SIGLEC11: variants seen among roughly 807,000 people sequenced by gnomAD.
SIGLEC11 encodes the protein sialic acid-binding Ig-like lectin 11.
SIGLEC11 carries 47 observed loss-of-function variants against 61.2 expected under a neutral mutation model. That is an observed-to-expected ratio of 0.77 (90% CI 0.61 to 0.98). The LOEUF is 0.98. Among genes scored for constraint, SIGLEC11 ranks in the 50% least tolerant of loss-of-function variants. The pLI is 0.00. For missense variants in SIGLEC11, 610 were observed against 870.3 expected (o/e 0.70, Z 3.76); for synonymous variants, 278 against 373.1 (o/e 0.75, Z 2.94).
intron 8 of SIGLEC11, among the ~76,000 whole-genome samples, chr19:49,956,281 A>C (rs1433625779): frequency 1.3e-5 from 2 of 152,230 alleles, no homozygotes; most frequent in African/African-American, 2.4e-5. Flanking sequence ...AAAAGAACTA[A>C]ACTGCTTAGG....
At position 49,950,128 on chromosome 19, in the gene SIGLEC11, G is replaced by A; in HGVS notation, c.1939C>T (p.Leu647Phe). Residue 647 changes from leucine to phenylalanine, a missense_variant, in exon 11 of 11, where the codon CTC (leucine) becomes TTC (phenylalanine). Physicochemically the swap from Leu to Phe is conservative, Grantham distance 22. This residue lies in a region of SIGLEC11 where 432 missense variants were observed against 441.5 expected (regional missense o/e 0.98). Transcript: ENST00000447370. ...GEEQELHYAS[L>F]SFQGLRLWEP... ...CAGAGCCTCAGGCCCTGGAAGCTGA[G>A]GGAGGCATAGTGGAGCTCCTGCTCT... 6.2e-7 allele frequency: 1 copy of A among 1,612,652 alleles called. No homozygotes were observed. The highest frequency in any genetic ancestry group is 1.7e-5 in the Admixed American group (1 of 59,944).
intron 8 of SIGLEC11, among the ~76,000 whole-genome samples, chr19:49,954,598 C>A (rs1050133287): frequency 2.0e-5 from 3 of 152,148 alleles, no homozygotes; most frequent in African/African-American, 7.2e-5. Flanking sequence ...ATCTACTGAA[C>A]TGGAAACACC....
rs750773398 is a variant in SIGLEC11, at chr19:49,950,198, G to A, written c.1869C>T (p.Asp623=). 2.5e-6 allele frequency: 4 copies of A among 1,601,900 alleles called. No individual in the cohort carries two copies. Among genetic ancestry groups the A allele is most frequent in the Non-Finnish European group, 3.4e-6 (4 of 1,176,026 alleles). Residue 623 remains aspartate, a synonymous_variant, in exon 11 of 11, where the codon GAC becomes GAT. Coordinates refer to ENST00000447370, the MANE Select transcript of SIGLEC11 (RefSeq NM_052884.3). ...AGGTGGCTGCACCTGGGGGCGGGTG[G>A]TCTTGGGAGCTGCCTGCCGAGCATT... ...QHECSAGSSQ[D]HPPPGAATYT... is the part of the protein sequence containing the mutation.
chr19:49,954,778 T>C (rs796866896), intron 8 of SIGLEC11, among the ~76,000 whole-genome samples: 2 of 152,052 alleles, frequency 1.3e-5, no homozygotes, highest in Non-Finnish European at 2.9e-5. Context: ...TAAAACCCCA[T>C]GCACCAGCAG....
At position 49,955,160 on chromosome 19, in the gene SIGLEC11, T is replaced by G. The variant is rs2076186882; in HGVS notation, c.1652-2766A>C. Among the ~76,000 whole-genome samples, 2 of 149,496 alleles carry G rather than the reference T, an allele frequency of 1.3e-5. No individual in the cohort carries two copies. The highest frequency in any genetic ancestry group is 6.7e-5 in the Admixed American group (1 of 15,022). Reference sequence around the variant, plus strand: ...CAGCTTATAAAAGTGACCACCAAGATGTACATGAACCATGACCAGAGAACA... The same window carrying G: ...CAGCTTATAAAAGTGACCACCAAGAGGTACATGAACCATGACCAGAGAACA... On this transcript the variant is annotated intron_variant, in intron 8 of 10. Coordinates refer to ENST00000447370, the MANE Select transcript of SIGLEC11 (RefSeq NM_052884.3). The surrounding 1 kb of genome is among the most constrained non-coding windows in gnomAD (Gnocchi z 4.5).
intron 8 of SIGLEC11, 56 bp from the exon 9 acceptor site, chr19:49,952,450 C>T (rs2076165289): frequency 7.4e-7 from 1 of 1,354,054 alleles, no homozygotes; most frequent in Non-Finnish European, 1.0e-6. Context: ...CCCTCCTGCC[C>T]CTTCCTCCCA....
rs958929688 is a variant in SIGLEC11 at position 49,960,918 on chromosome 19, G to A, written c.94C>T (p.Pro32Ser). The A allele has an allele frequency of 6.6e-7, 1 of 1,507,706 alleles. No individual in the cohort carries two copies. Among genetic ancestry groups the A allele is most frequent in the South Asian group, 1.2e-5 (1 of 86,606 alleles). The allele number at this position is 1,507,706 out of a possible 1,614,324, so 93.4% of individuals were successfully genotyped here. A position where few individuals can be genotyped will look rare whatever the true frequency, so the allele number is the denominator to read the frequency against. ...VLGAGSLNKDPSYSLQVQRQV... is the reference protein window; with the variant it reads ...VLGAGSLNKDSSYSLQVQRQV... ...CTCTGCACTTGAAGACTGTAACTGG[G>A]ATCCTTGTTCAGGGACCCTGGGGAG... The change falls in exon 2 of 11, where the codon CCC becomes TCC. Residue 32 changes from proline (P) to serine (S), a missense_variant. Physicochemically the swap from Pro to Ser is moderately conservative, Grantham distance 74 (BLOSUM62 -1). This residue lies in a region of SIGLEC11 where 27 missense variants were observed against 96.0 expected (regional missense o/e 0.28). Transcript: ENST00000447370.
intron 8 of SIGLEC11, among the ~76,000 whole-genome samples, chr19:49,954,811 C>T (rs770821709): frequency 1.5e-4 from 23 of 152,148 alleles, no homozygotes; most frequent in Non-Finnish European, 2.8e-4. Context: ...CTCAGGCATA[C>T]ACTCAAGGTC....
At chr19:49,954,252 C>G (rs550775502) in intron 8 of SIGLEC11, among the ~76,000 whole-genome samples, 1 of 152,266 alleles carries the variant, frequency 6.6e-6, no homozygotes, top group Admixed American at 6.5e-5. Flanking sequence ...CAACAGCTGC[C>G]AGAGGAAACA....
chr19:49,952,217 G>T, intron 9 of SIGLEC11, 81 bp downstream of exon 9: 1 of 1,421,406 alleles, frequency 7.0e-7, no homozygotes. Flanking sequence ...GCCCCATCTA[G>T]ATTCCTGCAG....
At position 49,957,860 on chromosome 19, in the gene SIGLEC11, G is replaced by T. The variant is rs143608588; in HGVS notation, c.1651+423C>A. ...AAAAAAATTAGCTGGGCGTGGTGGC[G>T]CATGCCTGTAATCCCAGCTACTCAG... is the stretch of plus-strand genomic sequence containing the variant. On this transcript the variant is annotated intron_variant, in intron 8 of 10. Transcript: ENST00000447370. Among the ~76,000 whole-genome samples the T allele has an allele frequency of 6.7e-3, 1,023 of 152,104 alleles. 4 individuals are homozygous for T. The highest frequency in any genetic ancestry group is 0.031 in the Middle Eastern group (9 of 294).
intron 8 of SIGLEC11, among the ~76,000 whole-genome samples, chr19:49,952,927 G>A (rs1208168254): frequency 5.3e-5 from 8 of 152,058 alleles, no homozygotes; most frequent in South Asian, 2.1e-4. Context: ...TAAAAACCTC[G>A]CTCTGTCTTT....
In SIGLEC11 at chr19:49,950,126, G is replaced by A. The variant is rs555723523; in HGVS notation, c.1941C>T (p.Leu647=). 68 of 1,612,760 alleles carry A rather than the reference G, an allele frequency of 4.2e-5. No homozygotes were observed. The South Asian group carries it at 6.5e-4, about 15-fold the overall frequency. The stretch of plus-strand genomic sequence containing the variant: ...CCCAGAGCCTCAGGCCCTGGAAGCT[G>A]AGGGAGGCATAGTGGAGCTCCTGCT... ...GEEQELHYAS[L]SFQGLRLWEP... The change falls in exon 11 of 11, where the codon CTC becomes CTT. Residue 647 remains leucine, a synonymous_variant. Transcript: ENST00000447370.
At chr19:49,956,957 A>G (rs1420173169) in intron 8 of SIGLEC11, among the ~76,000 whole-genome samples, 1 of 152,244 alleles carries the variant, frequency 6.6e-6, no homozygotes, top group African/African-American at 2.4e-5. Context: ...AGGCAATTAT[A>G]AAAATAACTG....
In SIGLEC11 at chr19:49,958,539, G is replaced by A. The variant is rs1242603740; in HGVS notation, c.1395C>T (p.Ser465=). ...YPPQLLGPSC[S]WEAEGLHCSC... ...TGCAGTGCAGACCCTCAGCCTCCCA[G>A]GAGCAGGAGGGGCCCAGCAGCTGTG... Residue 465 remains serine, a synonymous_variant, in exon 8 of 11, where the codon TCC becomes TCT. Coordinates refer to ENST00000447370, the MANE Select transcript of SIGLEC11 (RefSeq NM_052884.3). 6.3e-7 allele frequency: 1 copy of A among 1,586,406 alleles called. No individual in the cohort carries two copies. The highest frequency in any genetic ancestry group is 1.4e-5 in the African/African-American group (1 of 73,966).
intron 8 of SIGLEC11, among the ~76,000 whole-genome samples, chr19:49,953,652 T>A (rs75136706): frequency 6.6e-6 from 1 of 150,810 alleles, no homozygotes; most frequent in South Asian, 2.1e-4. Context: ...CAACTAAGAC[T>A]AGTGGTGATC....
intron 8 of SIGLEC11, among the ~76,000 whole-genome samples, chr19:49,956,059 G>A (rs1047674388): frequency 6.6e-6 from 1 of 152,022 alleles, no homozygotes; most frequent in African/African-American, 2.4e-5. Context: ...AAACATTGTC[G>A]GCAGCCTAGG....
chr19:49,959,041 G>A lies in SIGLEC11; in HGVS notation c.1094C>T (p.Ala365Val). 1 of 1,612,010 alleles carries A rather than the reference G, an allele frequency of 6.2e-7. No individual in the cohort carries two copies. The highest frequency in any genetic ancestry group is 8.5e-7 in the Non-Finnish European group (1 of 1,178,420). The change falls in exon 6 of 11, where the codon GCA (alanine) becomes GTA (valine). Residue 365 changes from alanine (A) to valine (V), a missense_variant. Ala to Val is a moderately conservative substitution (Grantham distance 64). Transcript: ENST00000447370. ...GTCTCCTTTCCTACCTGTCCTGTTT[G>A]CTTGGGAAACCATCACTCTCAGGTT... is the stretch of plus-strand genomic sequence containing the variant. ...PENLRVMVSQ[A>V]NRTVLENLGN...
chr19:49,958,543 C>T lies in SIGLEC11; in HGVS notation c.1391G>A (p.Cys464Tyr), dbSNP rs141171190. The T allele has an allele frequency of 2.5e-6, 4 of 1,584,792 alleles. No individual in the cohort carries two copies. Among genetic ancestry groups the T allele is most frequent in the Non-Finnish European group, 3.4e-6 (4 of 1,166,146 alleles). ...HYPPQLLGPS[C>Y]SWEAEGLHCS... The stretch of plus-strand genomic sequence containing the variant: ...GTGCAGACCCTCAGCCTCCCAGGAG[C>T]AGGAGGGGCCCAGCAGCTGTGGAGG... The change falls in exon 8 of 11, where the codon TGC becomes TAC. Residue 464 changes from cysteine to tyrosine, a missense_variant. Coordinates refer to ENST00000447370, the MANE Select transcript of SIGLEC11 (RefSeq NM_052884.3).
Sources: gnomAD v4.1 joint callset for allele counts (sites outside exome capture counted in the v4.1 genomes callset) on GRCh38, gnomAD v4.1.1 for gene constraint, gnomAD v4.1.1 regional missense constraint, Gnocchi (gnomAD v3.1) non-coding constraint, MANE v1.5 for transcripts, NCBI Gene and HGNC (gene_info 2026-07-23, HGNC 2026-07-21) for gene names.